PRTFDC1: variants seen among roughly 807,000 people sequenced by gnomAD.
PRTFDC1 encodes phosphoribosyltransferase domain-containing protein 1.
In PRTFDC1, 38 loss-of-function variants were observed where a neutral mutation model predicts 34.6. The observed-to-expected ratio is 1.10, with a 90% CI of 0.85 to 1.44. PRTFDC1 has a LOEUF of 1.44. Among genes scored for constraint, PRTFDC1 ranks in the 40% most tolerant of loss-of-function variants. The pLI, the probability that PRTFDC1 is intolerant of heterozygous loss-of-function variation, is 0.00. For synonymous variants in PRTFDC1, 93 were observed against 98.1 expected, an observed-to-expected ratio of 0.95 and a Z score of 0.31; for missense variants, 270 against 283.0, an observed-to-expected ratio of 0.95 and a Z score of 0.33.
chr10:24,922,743 T>G (rs1002806617), intron 3 of PRTFDC1, among the ~76,000 whole-genome samples: 1 of 152,078 alleles, frequency 6.6e-6, no homozygotes, highest in Non-Finnish European at 1.5e-5. Flanking sequence ...AGAAGATGGG[T>G]GATTTCTGCA....
intron 3 of PRTFDC1, among the ~76,000 whole-genome samples, chr10:24,895,045 C>T (rs1362401560): frequency 2.0e-5 from 3 of 152,090 alleles, no homozygotes; most frequent in Admixed American, 1.3e-4. Context: ...GAGGGGTTTG[C>T]CTACGTCGTA....
chr10:24,868,000 C>G (rs1478591101), intron 4 of PRTFDC1: 1 of 152,248 alleles, frequency 6.6e-6, no homozygotes, highest in Non-Finnish European at 1.5e-5. Flanking sequence ...GCCATGTTGG[C>G]CAGGCTGGTC....
At chr10:24,919,284 C>T (rs140813082) in intron 3 of PRTFDC1, among the ~76,000 whole-genome samples, 217 of 152,146 alleles carry the variant, frequency 1.4e-3, no homozygotes, top group Middle Eastern at 3.4e-3. Context: ...CAAAAACAGA[C>T]ACATAGACCA....
intron 4 of PRTFDC1, among the ~76,000 whole-genome samples, chr10:24,863,942 C>G (rs1259305590): frequency 6.8e-6 from 1 of 147,964 alleles, no homozygotes; most frequent in African/African-American, 2.5e-5. Context: ...TCACCTGAGC[C>G]TGGGGAGGTA....
At chr10:24,851,143 G>A (rs576144708) in intron 8 of PRTFDC1, among the ~76,000 whole-genome samples, 53 of 152,252 alleles carry the variant, frequency 3.5e-4, no homozygotes, top group African/African-American at 1.2e-3. Flanking sequence ...CCATAGTTCT[G>A]CTTTTAGCTT....
intron 3 of PRTFDC1, among the ~76,000 whole-genome samples, chr10:24,913,558 A>G (rs1848656920): frequency 6.6e-6 from 1 of 152,242 alleles, no homozygotes; most frequent in African/African-American, 2.4e-5. Context: ...AAGAGGTTAG[A>G]ATCAAGTTAA....
chr10:24,902,165 T>A (rs149414928), intron 3 of PRTFDC1, among the ~76,000 whole-genome samples: 140 of 151,954 alleles, frequency 9.2e-4, no homozygotes, highest in African/African-American at 3.3e-3. Flanking sequence ...GCTGCCTCAT[T>A]GCTGGATGGA....
At chr10:24,936,957 A>T (rs1279604047) in intron 3 of PRTFDC1, among the ~76,000 whole-genome samples, 1 of 152,202 alleles carries the variant, frequency 6.6e-6, no homozygotes, top group Non-Finnish European at 1.5e-5. Flanking sequence ...ATTACTGCTG[A>T]GTCTTCCCAT....
intron 3 of PRTFDC1, among the ~76,000 whole-genome samples, chr10:24,872,876 T>C (rs142203697): frequency 0.024 from 3,491 of 147,128 alleles, 72 homozygotes; most frequent in South Asian, 0.044. Flanking sequence ...GGGGTGATCC[T>C]AGCTCATTGC....
chr10:24,906,497 G>C (rs577644064), intron 3 of PRTFDC1, among the ~76,000 whole-genome samples: 1 of 152,284 alleles, frequency 6.6e-6, no homozygotes, highest in South Asian at 2.1e-4. Flanking sequence ...CCCAGACACA[G>C]AGGGAGTATG....
intron 3 of PRTFDC1, among the ~76,000 whole-genome samples, chr10:24,913,011 A>C (rs1441551446): frequency 6.6e-6 from 1 of 152,234 alleles, no homozygotes; most frequent in Non-Finnish European, 1.5e-5. Flanking sequence ...AATTCCACTT[A>C]CAATTTTTCG....
In PRTFDC1 at chr10:24,851,399, T is replaced by G. The variant is rs1184758241; in HGVS notation, c.619A>C (p.Arg207=). The G allele has an allele frequency of 1.2e-6, 2 of 1,611,348 alleles. No individual in the cohort carries two copies. Among genetic ancestry groups the G allele is most frequent in the African/African-American group, 2.7e-5 (2 of 74,744 alleles). The part of the protein sequence containing the change: ...GYALDYNEYF[R]DLNHICVINE... ...CATGCAAGACTTACATTCAGATCTC[T>G]GAAGTATTCATTGTAATCTAAGGCA... is the stretch of plus-strand genomic sequence containing the variant. Residue 207 remains arginine (R), a synonymous_variant, in exon 8 of 9, where the codon AGA becomes CGA. Coordinates refer to ENST00000320152, the MANE Select transcript of PRTFDC1 (RefSeq NM_020200.7).
intron 3 of PRTFDC1, among the ~76,000 whole-genome samples, chr10:24,889,923 G>A (rs2132537407): frequency 1.3e-5 from 2 of 152,296 alleles, no homozygotes; most frequent in Admixed American, 1.3e-4. Flanking sequence ...GAAATGAGTT[G>A]GGTGGTCTTG....
At chr10:24,853,168 G>C (rs1163954463) in intron 7 of PRTFDC1, among the ~76,000 whole-genome samples, 2 of 152,110 alleles carry the variant, frequency 1.3e-5, no homozygotes, top group African/African-American at 4.8e-5. Flanking sequence ...CAGAGAGAAA[G>C]AAGGAACAGA....
Position 24,858,283 on chromosome 10 carries a change from A to G in PRTFDC1, c.423+109T>C, listed in dbSNP as rs1398881116. On this transcript the variant is annotated intron_variant, in intron 5 of 8. Coordinates refer to ENST00000320152, the MANE Select transcript of PRTFDC1 (RefSeq NM_020200.7). ...CATTAAATTTGGAGAGCATGCACCC[A>G]GTGGGAGCTCAAGAAATCCTTGGTC... 5.1e-6 allele frequency: 6 copies of G among 1,179,920 alleles called. No homozygotes were observed. The South Asian group carries it at 5.2e-5, about 10-fold the overall frequency. The allele number at this position is 1,179,920 out of a possible 1,614,324, so 73.1% of individuals were successfully genotyped here.
intron 3 of PRTFDC1, among the ~76,000 whole-genome samples, chr10:24,893,440 C>T (rs1387425132): frequency 6.6e-6 from 1 of 151,752 alleles, no homozygotes; most frequent in African/African-American, 2.4e-5. Context: ...AGGCGAGTGC[C>T]ACCACAACCA....
chr10:24,940,728 C>G (rs111575128), intron 2 of PRTFDC1, among the ~76,000 whole-genome samples: 105 of 152,288 alleles, frequency 6.9e-4, no homozygotes, highest in African/African-American at 2.4e-3. Flanking sequence ...CCACACAAAA[C>G]TTATATGTGA....
chr10:24,917,472 G>T (rs1463141200), intron 3 of PRTFDC1, among the ~76,000 whole-genome samples: 2 of 152,140 alleles, frequency 1.3e-5, no homozygotes, highest in Non-Finnish European at 2.9e-5. Flanking sequence ...GAGATACCAA[G>T]ATTTTATTCT....
chr10:24,856,801 G>T, intron 6 of PRTFDC1, 112 bp downstream of exon 6: 1 of 975,198 alleles, frequency 1.0e-6, no homozygotes, highest in South Asian at 1.4e-5. Context: ...CAGGGGAAAA[G>T]GTCACTAGTT....
Sources: allele counts gnomAD v4.1 joint callset (sites outside exome capture counted in the v4.1 genomes callset), GRCh38; gene constraint gnomAD v4.1.1; transcripts MANE v1.5; gene names NCBI Gene and HGNC (gene_info 2026-07-23, HGNC 2026-07-21).